Variants in PLCG2 observed in about 807,000 individuals in gnomAD.
PLCG2 encodes 1-phosphatidylinositol 4,5-bisphosphate phosphodiesterase gamma-2.
In PLCG2, 69 loss-of-function variants were observed where a neutral mutation model predicts 175.6. That is an observed-to-expected ratio of 0.39 (90% confidence interval 0.32 to 0.48). The LOEUF (loss-of-function observed/expected upper bound fraction) is 0.48, where lower values mean the gene tolerates loss of function less well. PLCG2 is among the 20% of genes least tolerant of loss of function. The pLI, the probability that PLCG2 is intolerant of heterozygous loss-of-function variation, is 0.91. For synonymous variants in PLCG2, 827 were observed against 624.0 expected (o/e 1.33, Z -4.85); for missense variants, 1,798 against 1,650.9 (o/e 1.09, Z -1.54).
intron 2 of PLCG2, among the ~76,000 whole-genome samples, chr16:81,825,026 T>A (rs1019488849): frequency 6.6e-6 from 1 of 152,210 alleles, no homozygotes; most frequent in Non-Finnish European, 1.5e-5. Flanking sequence ...GCAGGTGGCC[T>A]CTAGAGCTGG....
chr16:81,863,742 C>T lies in PLCG2; in HGVS notation c.479+4579C>T, dbSNP rs1304638948. On this transcript the variant is annotated intron_variant, in intron 5 of 32. Coordinates refer to ENST00000564138, the MANE Select transcript of PLCG2 (RefSeq NM_002661.5). The stretch of plus-strand genomic sequence containing the variant: ...CCAACACTTACTTCCTTTCCCTCCT[C>T]TGCCCTTGCCCCCTTGGCGTATAAC... 3.9e-5 allele frequency among the ~76,000 whole-genome samples: 6 copies of T among 152,260 alleles called. No homozygotes were observed. The East Asian group carries it at 1.2e-3, about 29-fold the overall frequency.
chr16:81,847,986 G>A (rs1382859736), intron 2 of PLCG2, among the ~76,000 whole-genome samples: 1 of 152,124 alleles, frequency 6.6e-6, no homozygotes, highest in Non-Finnish European at 1.5e-5. Context: ...GTTATTCTGT[G>A]GGTAGTGACA....
chr16:81,922,814 C>T (rs752589940), intron 21 of PLCG2, among the ~76,000 whole-genome samples: 19 of 152,188 alleles, frequency 1.2e-4, no homozygotes, highest in African/African-American at 2.4e-4. Context: ...CATTTATGCC[C>T]GCCAGGCAGA....
At chr16:81,821,676 A>G (rs547758226) in intron 2 of PLCG2, among the ~76,000 whole-genome samples, 42 of 152,156 alleles carry the variant, frequency 2.8e-4, no homozygotes, top group Non-Finnish European at 5.0e-4. Flanking sequence ...TGTAGAAAAA[A>G]ATGTATAAGC....
At chr16:81,822,274 G>T (rs942663778) in intron 2 of PLCG2, among the ~76,000 whole-genome samples, 1 of 152,176 alleles carries the variant, frequency 6.6e-6, no homozygotes, top group Non-Finnish European at 1.5e-5. Flanking sequence ...GGGTGTTGAA[G>T]GGTCGGCATA....
intron 30 of PLCG2, among the ~76,000 whole-genome samples, chr16:81,942,904 G>C (rs1911004389): frequency 6.7e-6 from 1 of 149,460 alleles, no homozygotes; most frequent in Admixed American, 6.8e-5. Flanking sequence ...GAAACAAGAA[G>C]AAGAAAAACA....
At chr16:81,801,062 A>G (rs1256895498) in intron 2 of PLCG2, among the ~76,000 whole-genome samples, 1 of 152,162 alleles carries the variant, frequency 6.6e-6, no homozygotes, top group Non-Finnish European at 1.5e-5. Flanking sequence ...TGATGCCTTG[A>G]TTTTAGCCCC....
chr16:81,766,482 TTCCTCCTCCTCCTCCTCTTCC>T (rs1383947686), intron 2 of PLCG2, among the ~76,000 whole-genome samples: 1 of 370 alleles, frequency 2.7e-3, no homozygotes, highest in South Asian at 0.25. Flanking sequence ...CCTCCTCCTC[TTCCTCCTCCTCCTCCTCTTCC>T]TCCTCCTCCT....
At chr16:81,759,473 A>C (rs1909994292) in intron 2 of PLCG2, among the ~76,000 whole-genome samples, 1 of 152,192 alleles carries the variant, frequency 6.6e-6, no homozygotes, top group Non-Finnish European at 1.5e-5. Context: ...AAAGGTCTAA[A>C]ATCACAGATT....
intron 31 of PLCG2, among the ~76,000 whole-genome samples, chr16:81,946,464 G>C (rs1911154284): frequency 6.6e-6 from 1 of 152,088 alleles, no homozygotes. Context: ...TCCTTTCCTG[G>C]AGAATGCTGT....
intron 21 of PLCG2, among the ~76,000 whole-genome samples, chr16:81,921,984 G>T (rs922152628): frequency 1.3e-5 from 2 of 152,198 alleles, no homozygotes; most frequent in Non-Finnish European, 2.9e-5. Context: ...GACCTTAGTA[G>T]CAAAAACTTT....
At chr16:81,868,407 A>G (rs1172675418) in intron 5 of PLCG2, among the ~76,000 whole-genome samples, 13 of 152,072 alleles carry the variant, frequency 8.5e-5, no homozygotes. Flanking sequence ...GGGGGTCCCC[A>G]CTTACTCTGC....
chr16:81,847,470 GT>G (rs1467412709), intron 2 of PLCG2, among the ~76,000 whole-genome samples: 2 of 151,880 alleles, frequency 1.3e-5, no homozygotes, highest in Non-Finnish European at 2.9e-5. Context: ...TAATCACATC[GT>G]TGGTTCCCCT....
intron 3 of PLCG2, among the ~76,000 whole-genome samples, chr16:81,855,027 T>C (rs1215837090): frequency 6.6e-6 from 1 of 151,950 alleles, no homozygotes; most frequent in Non-Finnish European, 1.5e-5. Context: ...ATGGCCAACA[T>C]GGTGAAACCC....
chr16:81,761,919 C>G (rs1910049971), intron 2 of PLCG2, among the ~76,000 whole-genome samples: 1 of 149,322 alleles, frequency 6.7e-6, no homozygotes, highest in African/African-American at 2.5e-5. Flanking sequence ...CTAACCTCTG[C>G]CTCCTAGGTT....
At chr16:81,773,270 C>G (rs977706754) in intron 2 of PLCG2, among the ~76,000 whole-genome samples, 1 of 152,212 alleles carries the variant, frequency 6.6e-6, no homozygotes, top group Non-Finnish European at 1.5e-5. Context: ...TGTTGACACA[C>G]TTGAACTTCT....
chr16:81,794,361 G>T (rs866464555), intron 2 of PLCG2, among the ~76,000 whole-genome samples: 26 of 152,268 alleles, frequency 1.7e-4, no homozygotes, highest in Admixed American at 1.6e-3. Flanking sequence ...AATAATAAAT[G>T]AATTATTTTC....
chr16:81,757,293 AAC>A (rs1419733906), intron 2 of PLCG2, among the ~76,000 whole-genome samples: 7 of 152,176 alleles, frequency 4.6e-5, no homozygotes, highest in Non-Finnish European at 8.8e-5. Flanking sequence ...CTGGAAACAA[AAC>A]ACACAAAACC....
At chr16:81,867,335 C>G (rs1907291956) in intron 5 of PLCG2, among the ~76,000 whole-genome samples, 2 of 152,238 alleles carry the variant, frequency 1.3e-5, no homozygotes, top group Non-Finnish European at 2.9e-5. Flanking sequence ...CCAGAAGGGT[C>G]TGGATCTCAT....
Sources: gnomAD v4.1 joint callset for allele counts (sites outside exome capture counted in the v4.1 genomes callset) on GRCh38, gnomAD v4.1.1 for gene constraint, MANE v1.5 for transcripts, NCBI Gene and HGNC (gene_info 2026-07-23, HGNC 2026-07-21) for gene names.